EXOC6B: variants seen among roughly 807,000 people sequenced by gnomAD.
The protein encoded by EXOC6B is SEC15 homolog B.
In EXOC6B, 54 loss-of-function variants were observed where a neutral mutation model predicts 113.5. That is an observed-to-expected ratio of 0.48 (90% CI 0.38 to 0.60). EXOC6B has a LOEUF of 0.60. Among genes scored for constraint, EXOC6B ranks in the 20% least tolerant of loss-of-function variants. The pLI is 0.00. For synonymous variants in EXOC6B, 357 were observed against 339.0 expected, an observed-to-expected ratio of 1.05 and a Z score of -0.58; for missense variants, 797 against 977.5, an observed-to-expected ratio of 0.82 and a Z score of 2.46.
chr2:72,460,267 A>C (rs1697534852), intron 18 of EXOC6B, among the ~76,000 whole-genome samples: 1 of 117,960 alleles, frequency 8.5e-6, no homozygotes, highest in African/African-American at 7.6e-5. Context: ...AAGAAAACCT[A>C]GGCAATACCA....
intron 18 of EXOC6B, among the ~76,000 whole-genome samples, chr2:72,380,841 T>C (rs1441184412): frequency 6.6e-6 from 1 of 152,244 alleles, no homozygotes; most frequent in Non-Finnish European, 1.5e-5. Flanking sequence ...CTACATTTAG[T>C]GAATTACATA....
At chr2:72,342,282 A>G (rs1472833224) in intron 19 of EXOC6B, among the ~76,000 whole-genome samples, 2 of 152,110 alleles carry the variant, frequency 1.3e-5, no homozygotes, top group African/African-American at 4.8e-5. Flanking sequence ...AATGAAATAG[A>G]GACTAGAAAA....
intron 6 of EXOC6B, among the ~76,000 whole-genome samples, chr2:72,609,946 G>C (rs1457323855): frequency 6.6e-6 from 1 of 151,990 alleles, no homozygotes; most frequent in African/African-American, 2.4e-5. Context: ...GAAATCAGTA[G>C]ACAATAAAAT....
intron 5 of EXOC6B, chr2:72,721,704 A>G (rs1680019948): frequency 6.6e-6 from 1 of 152,096 alleles, no homozygotes; most frequent in Admixed American, 6.6e-5. Flanking sequence ...TAGCAAATAA[A>G]AAAACTAACC....
chr2:72,370,559 A>T (rs542410006), intron 19 of EXOC6B, among the ~76,000 whole-genome samples: 1 of 152,314 alleles, frequency 6.6e-6, no homozygotes, highest in South Asian at 2.1e-4. Context: ...AGACACATGC[A>T]CATGTATGTT....
Position 72,480,685 on chromosome 2 carries a change from G to T in EXOC6B, c.1731C>A (p.Ile577=), listed in dbSNP as rs1699028596. 1 of 1,593,988 alleles carries T rather than the reference G, an allele frequency of 6.3e-7. No individual in the cohort carries two copies. Among genetic ancestry groups the T allele is most frequent in the African/African-American group, 1.3e-5 (1 of 74,778 alleles). ...CTGGAAGCACATTAGTGATGTTGGTGATAAATTCTTCCAAGTACTTACAGG... is the reference window on the plus strand; with the variant it reads ...CTGGAAGCACATTAGTGATGTTGGTTATAAATTCTTCCAAGTACTTACAGG... ...EKSCKYLEEF[I]TNITNVLPET... Residue 577 remains isoleucine, a synonymous_variant, in exon 17 of 22, where the codon ATC becomes ATA. Transcript: ENST00000272427.
At chr2:72,629,944 G>A (rs1672286391) in intron 6 of EXOC6B, among the ~76,000 whole-genome samples, 1 of 151,924 alleles carries the variant, frequency 6.6e-6, no homozygotes, top group South Asian at 2.1e-4. Flanking sequence ...CTCAAACCTG[G>A]GTTAGATATT....
At chr2:72,250,070 T>C (rs1682912632) in intron 20 of EXOC6B, among the ~76,000 whole-genome samples, 1 of 152,220 alleles carries the variant, frequency 6.6e-6, no homozygotes, top group South Asian at 2.1e-4. Context: ...ACTGAATAAA[T>C]GAATGCTTTA....
intron 20 of EXOC6B, among the ~76,000 whole-genome samples, chr2:72,245,718 A>G (rs952443262): frequency 2.0e-5 from 3 of 152,226 alleles, no homozygotes; most frequent in African/African-American, 7.2e-5. Context: ...ATAATGGTGG[A>G]TACATGTTAT....
chr2:72,739,199 A>C (rs1423553763), intron 2 of EXOC6B, among the ~76,000 whole-genome samples: 1 of 152,224 alleles, frequency 6.6e-6, no homozygotes, highest in Non-Finnish European at 1.5e-5. Flanking sequence ...ACCTATTAAA[A>C]GAAAACATCA....
At chr2:72,487,288 C>T (rs1313180101) in intron 16 of EXOC6B, among the ~76,000 whole-genome samples, 1 of 152,136 alleles carries the variant, frequency 6.6e-6, no homozygotes, top group Non-Finnish European at 1.5e-5. Flanking sequence ...TCTTCTTAGT[C>T]TCTGGTCTGT....
intron 8 of EXOC6B, among the ~76,000 whole-genome samples, chr2:72,525,767 C>G (rs1238657737): frequency 2.0e-5 from 3 of 152,042 alleles, no homozygotes; most frequent in Non-Finnish European, 4.4e-5. Context: ...CTCCCCACCA[C>G]CCCCAAATCC....
chr2:72,700,426 C>T (rs1375750426), intron 6 of EXOC6B, among the ~76,000 whole-genome samples: 1 of 152,178 alleles, frequency 6.6e-6, no homozygotes, highest in African/African-American at 2.4e-5. Context: ...ACAGCTGTCA[C>T]GTGAATTCCA....
intron 6 of EXOC6B, among the ~76,000 whole-genome samples, chr2:72,644,346 G>A (rs1673516741): frequency 1.3e-5 from 2 of 152,208 alleles, no homozygotes; most frequent in African/African-American, 4.8e-5. Context: ...ATGATGGGAA[G>A]AATGGAACCA....
chr2:72,714,793 A>C (rs978232098), intron 6 of EXOC6B, among the ~76,000 whole-genome samples: 2 of 152,126 alleles, frequency 1.3e-5, no homozygotes, highest in African/African-American at 4.8e-5. Flanking sequence ...ATGCTCCCCA[A>C]CCTCCACTAC....
chr2:72,548,441 G>T (rs1348996854), intron 8 of EXOC6B, among the ~76,000 whole-genome samples: 2 of 152,134 alleles, frequency 1.3e-5, no homozygotes, highest in Admixed American at 6.5e-5. Flanking sequence ...TTCAAAGAGT[G>T]CCTTGTTATC....
At chr2:72,211,763 T>C (rs1680207538) in intron 20 of EXOC6B, among the ~76,000 whole-genome samples, 2 of 152,232 alleles carry the variant, frequency 1.3e-5, no homozygotes, top group South Asian at 4.1e-4. Flanking sequence ...TGATTTTAGA[T>C]AAAAGTATAT....
chr2:72,748,187 T>C (rs1681821060), intron 1 of EXOC6B, among the ~76,000 whole-genome samples: 1 of 152,082 alleles, frequency 6.6e-6, no homozygotes, highest in Non-Finnish European at 1.5e-5. Flanking sequence ...GTTTTTGTTT[T>C]TGATTAATTC....
Position 72,563,557 on chromosome 2 carries a change from T to C in EXOC6B, c.847-4036A>G, listed in dbSNP as rs959372864. Among the ~76,000 whole-genome samples the C allele has an allele frequency of 1.4e-4, 22 of 152,120 alleles. No homozygotes were observed. The East Asian group carries it at 4.0e-3, about 28-fold the overall frequency. ...AAAATAGAGGATGTTACAAAATAAA[T>C]ATAAACTTTAAAATGGGATTAATCA... On this transcript the variant is annotated intron_variant, in intron 7 of 21. Transcript: ENST00000272427.
Sources: gnomAD v4.1 joint callset for allele counts (sites outside exome capture counted in the v4.1 genomes callset) on GRCh38, gnomAD v4.1.1 for gene constraint, MANE v1.5 for transcripts, NCBI Gene and HGNC (gene_info 2026-07-23, HGNC 2026-07-21) for gene names.